The following RUFY3 variants were observed in gnomAD, a reference collection of about 807,000 sequenced individuals.
RUFY3 encodes RUN and FYVE domain containing 3, also known as protein RUFY3.
In RUFY3, 34 loss-of-function variants were observed where a neutral mutation model predicts 84.0. That is an observed-to-expected ratio of 0.40 (90% CI 0.31 to 0.54). The LOEUF is 0.54. Ranked by LOEUF, RUFY3 falls within the 20% of genes least tolerant of loss-of-function variation. The pLI is 0.39. For synonymous variants in RUFY3, 242 were observed against 252.9 expected (o/e 0.96, Z 0.41); for missense variants, 507 against 736.8 (o/e 0.69, Z 3.61).
At chr4:70,774,374 C>T (rs1416148634) in intron 6 of RUFY3, among the ~76,000 whole-genome samples, 2 of 150,162 alleles carry the variant, frequency 1.3e-5, no homozygotes, top group Non-Finnish European at 3.0e-5. Flanking sequence ...TTTGGGAGGC[C>T]GAGGCAGGCA....
chr4:70,746,903 G>A (rs1252603664), intron 1 of RUFY3, among the ~76,000 whole-genome samples: 3 of 152,180 alleles, frequency 2.0e-5, no homozygotes, highest in Non-Finnish European at 2.9e-5. Flanking sequence ...TGGAGTAGGG[G>A]CAAGGAGAGA....
chr4:70,721,843 T>C, upstream of RUFY3: 1 of 985,422 alleles, frequency 1.0e-6, no homozygotes, highest in Non-Finnish European at 1.2e-6. Flanking sequence ...AAGTGGGTTG[T>C]ACAGGATGAG....
At chr4:70,748,734 G>A (rs765369702) in intron 1 of RUFY3, among the ~76,000 whole-genome samples, 14 of 152,178 alleles carry the variant, frequency 9.2e-5, no homozygotes, top group Non-Finnish European at 1.5e-4. Context: ...TGCTTCACAC[G>A]TGGTAGGTTT....
intron 10 of RUFY3, among the ~76,000 whole-genome samples, chr4:70,786,138 G>A (rs75881794): frequency 0.027 from 4,092 of 152,266 alleles, 78 homozygotes; most frequent in Middle Eastern, 0.054. Flanking sequence ...GTGAAGTGTA[G>A]TAAGCCAAAC....
At position 70,807,167 on chromosome 4, in the gene RUFY3, C is replaced by G. The variant is rs1046260230; in HGVS notation, c.*508C>G. The G allele has an allele frequency of 2.0e-5, 3 of 152,112 alleles. No individual in the cohort carries two copies. Among genetic ancestry groups the G allele is most frequent in the Non-Finnish European group, 4.4e-5 (3 of 68,042 alleles). The allele number at this position is 152,112 out of a possible 1,614,324, so 9.4% of individuals were successfully genotyped here. Reference sequence around the variant, plus strand: ...TGCTAACTACCTCTTTAAAGTATTTCTACCAAACTGTGAACCCAATCTCAG... The same window carrying G: ...TGCTAACTACCTCTTTAAAGTATTTGTACCAAACTGTGAACCCAATCTCAG... On this transcript the variant is annotated 3_prime_UTR_variant, in exon 18 of 18. Transcript: ENST00000381006.
At chr4:70,804,911 C>A (rs1186219621) in intron 17 of RUFY3, among the ~76,000 whole-genome samples, 3 of 151,900 alleles carry the variant, frequency 2.0e-5, no homozygotes, top group African/African-American at 7.3e-5. Context: ...GGCAACAGAG[C>A]GAGACTCTGT....
chr4:70,751,368 AT>A (rs1419500781), intron 1 of RUFY3, among the ~76,000 whole-genome samples: 1 of 152,226 alleles, frequency 6.6e-6, no homozygotes, highest in Non-Finnish European at 1.5e-5. Context: ...CAGCTGGACC[AT>A]TTTACACTCC....
chr4:70,799,403 G>C (rs556744387), intron 14 of RUFY3: 1 of 152,340 alleles, frequency 6.6e-6, no homozygotes, highest in East Asian at 1.9e-4. Context: ...AGCTGGGCAT[G>C]GTGGCGTGTG....
At chr4:70,705,002 C>T (rs1740094815) in exon 1 of RUFY3, 3 of 1,223,820 alleles carry the variant, frequency 2.5e-6, no homozygotes, top group African/African-American at 1.6e-5. Context: ...CGGCGAGGGG[C>T]GGGGAGTGGC....
At chr4:70,723,574 C>A (rs529241453) in intron 1 of RUFY3, among the ~76,000 whole-genome samples, 1 of 152,188 alleles carries the variant, frequency 6.6e-6, no homozygotes, top group African/African-American at 2.4e-5. Flanking sequence ...CTGCTTCTAC[C>A]CTTTAATTCT....
chr4:70,774,345 A>C (rs1042081865), intron 6 of RUFY3, among the ~76,000 whole-genome samples: 2 of 151,630 alleles, frequency 1.3e-5, no homozygotes, highest in African/African-American at 2.4e-5. Flanking sequence ...ATGGTGGCTC[A>C]TGCTTGTAAT....
At chr4:70,727,898 T>G (rs529638600) in intron 1 of RUFY3, among the ~76,000 whole-genome samples, 19 of 152,274 alleles carry the variant, frequency 1.2e-4, no homozygotes, top group African/African-American at 4.3e-4. Flanking sequence ...TTATTGAGTG[T>G]TTAACAACAA....
At chr4:70,715,395 C>T (rs1034717940) in intron 1 of RUFY3, among the ~76,000 whole-genome samples, 2 of 151,754 alleles carry the variant, frequency 1.3e-5, no homozygotes, top group African/African-American at 4.8e-5. Flanking sequence ...ACCAGGCTGG[C>T]CAACATGGCG....
At chr4:70,724,503 T>C (rs150926623) in intron 1 of RUFY3, among the ~76,000 whole-genome samples, 49 of 152,336 alleles carry the variant, frequency 3.2e-4, no homozygotes, top group African/African-American at 1.2e-3. Context: ...GCCATTTGAA[T>C]TCTTCATAGA....
At chr4:70,735,376 A>G (rs55671510) in intron 1 of RUFY3, among the ~76,000 whole-genome samples, 14,005 of 152,234 alleles carry the variant, frequency 0.092, 1,384 homozygotes, top group African/African-American at 0.24. Flanking sequence ...AATTTTTGGT[A>G]TTTGAGCTTT....
intron 17 of RUFY3, among the ~76,000 whole-genome samples, chr4:70,805,667 C>T (rs1035868151): frequency 7.9e-5 from 12 of 152,158 alleles, no homozygotes; most frequent in African/African-American, 4.8e-5. Flanking sequence ...CAAAGTAGAA[C>T]AAACTGTTAA....
At chr4:70,705,550 C>T (rs887571322) in intron 1 of RUFY3, among the ~76,000 whole-genome samples, 1 of 152,188 alleles carries the variant, frequency 6.6e-6, no homozygotes, top group African/African-American at 2.4e-5. Context: ...CTGGCCTGGT[C>T]TCTCTCCCGT....
At chr4:70,727,743 T>C (rs1254604702) in intron 1 of RUFY3, among the ~76,000 whole-genome samples, 3 of 146,698 alleles carry the variant, frequency 2.0e-5, no homozygotes, top group African/African-American at 7.6e-5. Flanking sequence ...GCCGAGATCG[T>C]GCCACTGCAC....
chr4:70,770,176 C>T (rs1560524737), intron 5 of RUFY3, among the ~76,000 whole-genome samples: 2 of 152,264 alleles, frequency 1.3e-5, no homozygotes, highest in East Asian at 3.9e-4. Context: ...TTCTTAAGGG[C>T]CCTAGGATTT....
Sources: allele counts gnomAD v4.1 joint callset (sites outside exome capture counted in the v4.1 genomes callset), GRCh38; gene constraint gnomAD v4.1.1; transcripts MANE v1.5; gene names NCBI Gene and HGNC (gene_info 2026-07-23, HGNC 2026-07-21).